The following CROCC2 variants were observed in gnomAD, a reference collection of about 807,000 sequenced individuals.
CROCC2 encodes the protein ciliary rootlet coiled-coil protein 2.
CROCC2 carries 163 observed loss-of-function variants against 177.6 expected under a neutral mutation model. The observed-to-expected ratio is 0.92, with a 90% CI of 0.81 to 1.05. CROCC2 has a LOEUF of 1.05. CROCC2 is among the 50% of genes least tolerant of loss of function. The pLI is 0.00. For missense variants in CROCC2, 1,929 were observed against 1,797.8 expected (o/e 1.07, Z -1.32); for synonymous variants, 904 against 787.3 (o/e 1.15, Z -2.48).
chr2:240,916,983 CAGG>C (rs2059325306), intron 1 of CROCC2, among the ~76,000 whole-genome samples: 1 of 152,160 alleles, frequency 6.6e-6, no homozygotes, highest in Non-Finnish European at 1.5e-5. Context: ...CAGCTGGGCC[CAGG>C]AGGAGGAGCA....
intron 25 of CROCC2, among the ~76,000 whole-genome samples, chr2:240,966,770 C>T (rs2059687194): frequency 6.6e-6 from 1 of 152,170 alleles, no homozygotes; most frequent in Non-Finnish European, 1.5e-5. Context: ...AAGACCCCTC[C>T]GGTGGGGCCA....
intron 1 of CROCC2, among the ~76,000 whole-genome samples, chr2:240,915,259 G>C (rs544934243): frequency 1.3e-5 from 2 of 151,700 alleles, no homozygotes; most frequent in African/African-American, 4.8e-5. Flanking sequence ...TGAAACCCCC[G>C]GTCCCCAGCA....
chr2:240,906,888 CG>C (rs1161617516), intron 1 of CROCC2, among the ~76,000 whole-genome samples: 1 of 151,450 alleles, frequency 6.6e-6, no homozygotes, highest in African/African-American at 2.4e-5. Context: ...CACAGGTTTG[CG>C]GGGTGGAGAG....
Position 240,932,919 on chromosome 2 carries a change from G to T in CROCC2, c.1251+11G>T. The T allele has an allele frequency of 1.3e-6, 2 of 1,543,568 alleles. No individual in the cohort carries two copies. The highest frequency in any genetic ancestry group is 1.2e-5 in the South Asian group (1 of 83,780). Reference sequence around the variant, plus strand: ...TGGCGGCGGGAACAGGTGGGCAGCCGCAGCCCACAGGACTCCCTGTCTCCC... The same window carrying T: ...TGGCGGCGGGAACAGGTGGGCAGCCTCAGCCCACAGGACTCCCTGTCTCCC... On this transcript the variant is annotated intron_variant, in intron 9 of 31. Transcript: ENST00000690015.
chr2:240,965,117 T>C (rs1217337097), intron 22 of CROCC2, among the ~76,000 whole-genome samples: 2 of 152,066 alleles, frequency 1.3e-5, no homozygotes, highest in African/African-American at 4.8e-5. Context: ...CACTCCCTAA[T>C]CAGTGCCCAC....
rs376005595 is a variant in CROCC2 at position 240,920,188 on chromosome 2, G to T, written c.381+54G>T. ...GCGGGAGGTGGCAGCCTGGCCCTTCGTGAGGGGTCACTTGTCGGGACGGCA... is the reference window on the plus strand; with the variant it reads ...GCGGGAGGTGGCAGCCTGGCCCTTCTTGAGGGGTCACTTGTCGGGACGGCA... On this transcript the variant is annotated intron_variant, in intron 3 of 31. Coordinates refer to ENST00000690015, the MANE Select transcript of CROCC2 (RefSeq NM_001351305.2). The T allele has an allele frequency of 3.1e-5, 19 of 606,814 alleles. 1 individual carries two copies. The South Asian group carries it at 3.3e-4, about 10-fold the overall frequency. 37.6% of individuals were successfully genotyped at this position (606,814 alleles called of 1,614,324 possible). A position where few individuals can be genotyped will look rare whatever the true frequency, so the allele number is the denominator to read the frequency against.
chr2:240,943,289 C>T (rs2059504304), intron 14 of CROCC2, among the ~76,000 whole-genome samples: 2 of 151,704 alleles, frequency 1.3e-5, no homozygotes, highest in African/African-American at 4.8e-5. Flanking sequence ...ATTTTGCGCT[C>T]AGCCAGCAGT....
intron 7 of CROCC2, among the ~76,000 whole-genome samples, chr2:240,931,687 G>C (rs2059432477): frequency 1.3e-5 from 2 of 152,196 alleles, no homozygotes; most frequent in Admixed American, 1.3e-4. Context: ...GCTGGCCGTG[G>C]GGCCAGTGCC....
intron 5 of CROCC2, among the ~76,000 whole-genome samples, chr2:240,926,195 G>A (rs1324027335): frequency 6.6e-6 from 1 of 152,236 alleles, no homozygotes. Flanking sequence ...TTCTCCGTAG[G>A]CCGAACTCCT....
intron 6 of CROCC2, 32 bp from the exon 7 acceptor site, chr2:240,930,899 A>T (rs2059424805): frequency 1.5e-6 from 1 of 685,212 alleles, no homozygotes; most frequent in Non-Finnish European, 2.7e-6. Flanking sequence ...ATGGGTCCTG[A>T]GTCCGCCACA....
Position 240,955,904 on chromosome 2 carries a change from C to T in CROCC2, c.2875C>T (p.Leu959Phe), listed in dbSNP as rs1158420155. The T allele has an allele frequency of 1.1e-5, 17 of 1,534,948 alleles. No individual in the cohort carries two copies. In the Admixed American group the frequency reaches 2.4e-4, roughly 21 times the overall value. ...ETERSLLSEE[L>F]SRARRTLERV... ...AGAGCGGAGCCTTCTGAGTGAGGAG[C>T]TCTCCAGGGCCAGGAGGACGCTAGA... Residue 959 changes from leucine (L) to phenylalanine (F), a missense_variant, in exon 19 of 32, where the codon CTC (leucine) becomes TTC (phenylalanine). This residue lies in a region of CROCC2 where 1,397 missense variants were observed against 1,239.9 expected (regional missense o/e 1.13). Transcript: ENST00000690015.
chr2:240,935,190 C>T, intron 13 of CROCC2, 128 bp downstream of exon 13: 1 of 1,243,510 alleles, frequency 8.0e-7, no homozygotes, highest in Non-Finnish European at 1.0e-6. Flanking sequence ...GTTTTGGGGA[C>T]AAGGGAGCCT....
intron 18 of CROCC2, chr2:240,955,106 G>T (rs1228879825): frequency 6.7e-6 from 1 of 148,450 alleles, no homozygotes; most frequent in Non-Finnish European, 1.5e-5. Context: ...TTTCCCAGCT[G>T]TGTATCTGCA....
rs576760165 is a variant in CROCC2 at position 240,966,641 on chromosome 2, C to T, written c.4146+232C>T. On this transcript the variant is annotated intron_variant, in intron 25 of 31. Coordinates refer to ENST00000690015, the MANE Select transcript of CROCC2 (RefSeq NM_001351305.2). ...GCTGAAAAGCCCCTGGAGCCAGGCC[C>T]TGCTGTGACACCCACCAGGGCCCAG... Among the ~76,000 whole-genome samples, 3 of 152,280 alleles carry T rather than the reference C, an allele frequency of 2.0e-5. No homozygotes were observed. The South Asian group carries it at 6.2e-4, about 32-fold the overall frequency.
In CROCC2 at chr2:240,933,660, C is replaced by A; in HGVS notation, c.1464-10C>A. On this transcript the variant is annotated splice_polypyrimidine_tract_variant and intron_variant, in intron 10 of 31. Transcript: ENST00000690015. ...CAGGGCCGCCCCAACTCTGCCCCCA[C>A]CATCCCCAGGGAGAAGGCTGCTCTG... is the stretch of plus-strand genomic sequence containing the variant. The A allele has an allele frequency of 6.5e-7, 1 of 1,549,568 alleles. No homozygotes were observed. The highest frequency in any genetic ancestry group is 1.4e-5 in the African/African-American group (1 of 73,166).
chr2:240,933,252 A>G lies in CROCC2; in HGVS notation c.1373A>G (p.Gln458Arg), dbSNP rs1180070686. Residue 458 changes from glutamine to arginine, a missense_variant, in exon 10 of 32, where the codon CAG (glutamine) becomes CGG (arginine). Gln to Arg is a conservative substitution (Grantham distance 43, BLOSUM62 1). Around this residue, in one of 3 missense-constraint regions of CROCC2, gnomAD observed 1,397 missense variants for 1,239.9 expected, o/e 1.13. Transcript: ENST00000690015. ...CTCCAGCAGGAGCGGGCTCGGGAGC[A>G]GGCACGGGAACGAGAGGCTCTTCGG... is the stretch of plus-strand genomic sequence containing the variant. ...QKLQQERARE[Q>R]AREREALRGQ... 21 of 1,548,936 alleles carry G rather than the reference A, an allele frequency of 1.4e-5. No homozygotes were observed. The highest frequency in any genetic ancestry group is 1.8e-5 in the Non-Finnish European group (21 of 1,146,614).
rs2059338922 is a variant in CROCC2 at position 240,918,993 on chromosome 2, G to A, written c.229+117G>A. 1 of 624,014 alleles carries A rather than the reference G, an allele frequency of 1.6e-6. No individual in the cohort carries two copies. Among genetic ancestry groups the A allele is most frequent in the South Asian group, 1.9e-5 (1 of 53,900 alleles). 38.7% of individuals were successfully genotyped at this position (624,014 alleles called of 1,614,324 possible). A position where few individuals can be genotyped will look rare whatever the true frequency, so the allele number is the denominator to read the frequency against. ...CGTGGGGGACAGTCCTGGGCTCGCG[G>A]CTGGCCAAGGTGATGGCGTGGGGGA... is the stretch of plus-strand genomic sequence containing the variant. On this transcript the variant is annotated intron_variant, in intron 2 of 31. Coordinates refer to ENST00000690015, the MANE Select transcript of CROCC2 (RefSeq NM_001351305.2). The surrounding 1 kb of genome is among the most constrained non-coding windows in gnomAD (Gnocchi z 6.3).
rs2059690370 is a variant in CROCC2, at chr2:240,967,356, C to A, written c.4158C>A (p.Arg1386=). Residue 1386 remains arginine, a synonymous_variant, in exon 26 of 32, where the codon CGC becomes CGA. Coordinates refer to ENST00000690015, the MANE Select transcript of CROCC2 (RefSeq NM_001351305.2). ...REAQRERDDS[R]IQMATLSSRL... is the part of the protein sequence containing the mutation. ...GTCCTTCTGCCCAGGATGACTCCCG[C>A]ATCCAGATGGCGACCCTGAGCAGCC... The A allele has an allele frequency of 2.7e-6, 2 of 729,394 alleles. No homozygotes were observed. Among genetic ancestry groups the A allele is most frequent in the East Asian group, 2.7e-5 (1 of 37,026 alleles). 45.2% of individuals were successfully genotyped at this position (729,394 alleles called of 1,614,324 possible).
chr2:240,953,492 C>T lies in CROCC2; in HGVS notation c.2830-2367C>T, dbSNP rs2059569874. ...GTGCTAGTGCCCTCCCTCCCCTGGA[C>T]CCACAGCAGAACCACAATAAGGGGC... On this transcript the variant is annotated intron_variant, in intron 18 of 31. Transcript: ENST00000690015. The surrounding 1 kb of genome is among the most constrained non-coding windows in gnomAD (Gnocchi z 4.0). 6.6e-6 allele frequency among the ~76,000 whole-genome samples: 1 copy of T among 151,958 alleles called. No homozygotes were observed. The highest frequency in any genetic ancestry group is 2.4e-5 in the African/African-American group (1 of 41,378).
Sources: gnomAD v4.1 joint callset for allele counts (sites outside exome capture counted in the v4.1 genomes callset) on GRCh38, gnomAD v4.1.1 for gene constraint, gnomAD v4.1.1 regional missense constraint, Gnocchi (gnomAD v3.1) non-coding constraint, MANE v1.5 for transcripts, NCBI Gene and HGNC (gene_info 2026-07-23, HGNC 2026-07-21) for gene names.